NCAM1: variants seen among roughly 807,000 people sequenced by gnomAD.
NCAM1 encodes the protein antigen recognized by monoclonal antibody 5.1H11.
Under a neutral mutation model 109.8 loss-of-function variants are expected in NCAM1, and 14 were observed. The observed-to-expected ratio is 0.13, with a 90% confidence interval of 0.08 to 0.20. The LOEUF (loss-of-function observed/expected upper bound fraction) is 0.20, where lower values mean the gene tolerates loss of function less well. Ranked by LOEUF, NCAM1 falls within the 10% of genes least tolerant of loss-of-function variation. NCAM1 has a pLI of 1.00. For missense variants in NCAM1, 774 were observed against 1,109.9 expected (o/e 0.70, Z 4.30); for synonymous variants, 418 against 442.9 (o/e 0.94, Z 0.70).
intron 1 of NCAM1, among the ~76,000 whole-genome samples, chr11:113,176,474 T>C (rs896024656): frequency 6.6e-6 from 1 of 152,174 alleles, no homozygotes; most frequent in Non-Finnish European, 1.5e-5. Flanking sequence ...GTTGATTGAA[T>C]TGTATTCTAT....
At chr11:113,209,355 T>C (rs1944327363) in intron 7 of NCAM1, among the ~76,000 whole-genome samples, 1 of 152,232 alleles carries the variant, frequency 6.6e-6, no homozygotes, top group East Asian at 1.9e-4. Context: ...ATCAGTTAGG[T>C]TCAAGTTAAC....
chr11:113,074,489 C>T (rs2135595652), intron 1 of NCAM1, among the ~76,000 whole-genome samples: 1 of 152,312 alleles, frequency 6.6e-6, no homozygotes, highest in Middle Eastern at 3.4e-3. Context: ...CAGTCTAAGA[C>T]AGCCCTGTCC....
At chr11:113,254,679 C>A (rs1260621135) in intron 15 of NCAM1, among the ~76,000 whole-genome samples, 1 of 152,076 alleles carries the variant, frequency 6.6e-6, no homozygotes, top group African/African-American at 2.4e-5. Flanking sequence ...AGATCCAATC[C>A]CTGGTGACAA....
intron 1 of NCAM1, among the ~76,000 whole-genome samples, chr11:113,073,522 A>G (rs1200732647): frequency 2.6e-5 from 4 of 152,252 alleles, no homozygotes; most frequent in African/African-American, 7.2e-5. Flanking sequence ...GGTGTTCCCA[A>G]GAGTATTTTT....
intron 1 of NCAM1, among the ~76,000 whole-genome samples, chr11:112,965,806 C>T (rs1255692974): frequency 6.6e-6 from 1 of 152,184 alleles, no homozygotes; most frequent in Non-Finnish European, 1.5e-5. Flanking sequence ...ACAGACAGTC[C>T]TTTCTGACTT....
rs78970020 is a variant in NCAM1, at chr11:113,067,397, G to A, written c.52+105733G>A. 7.5e-4 allele frequency among the ~76,000 whole-genome samples: 114 copies of A among 152,244 alleles called. 1 individual carries two copies. In the East Asian group the frequency reaches 0.019, roughly 26 times the overall value. ...ACTGGAAAACCACATAAGCAGACACGGATATGACCTCACAATTAGAAAACC... is the reference window on the plus strand; with the variant it reads ...ACTGGAAAACCACATAAGCAGACACAGATATGACCTCACAATTAGAAAACC... On this transcript the variant is annotated intron_variant, in intron 1 of 19. Transcript: ENST00000316851.
In NCAM1 at chr11:113,270,340, A is replaced by AAAGCCGGGCCCG. The variant is rs1555125041; in HGVS notation, c.2285_2296dup (p.Pro765_Gly766insGluAlaGlyPro). ...GTGCATTGCGGTCAACCTGTGTGGA[A>AAAGCCGGGCCCG]AAGCCGGGCCCGGGGCCAAGGGCAA... On this transcript the variant is annotated inframe_insertion, in exon 18 of 20. Coordinates refer to ENST00000316851, the MANE Select transcript of NCAM1 (RefSeq NM_181351.5). The AAAGCCGGGCCCG allele has an allele frequency of 6.2e-7, 1 of 1,614,020 alleles. No individual in the cohort carries two copies. The highest frequency in any genetic ancestry group is 2.2e-5 in the East Asian group (1 of 44,866).
At chr11:113,172,514 A>G (rs746774553) in intron 1 of NCAM1, among the ~76,000 whole-genome samples, 2 of 152,118 alleles carry the variant, frequency 1.3e-5, no homozygotes, top group Non-Finnish European at 1.5e-5. Flanking sequence ...TGATCTTGGT[A>G]TGTTCTTTTG....
intron 1 of NCAM1, among the ~76,000 whole-genome samples, chr11:112,983,670 C>T (rs1211411882): frequency 1.3e-4 from 19 of 151,930 alleles, no homozygotes; most frequent in African/African-American, 4.3e-4. Flanking sequence ...TGGAGAAATA[C>T]AAGCTCAGTG....
chr11:112,964,157 T>TTG (rs1434713485), intron 1 of NCAM1, among the ~76,000 whole-genome samples: 1 of 117,356 alleles, frequency 8.5e-6, no homozygotes, highest in Non-Finnish European at 1.8e-5. Context: ...TTTTTTTTGT[T>TTG]TTTTTTTTGG....
chr11:113,019,160 C>T (rs929000417), intron 1 of NCAM1, among the ~76,000 whole-genome samples: 22 of 152,194 alleles, frequency 1.4e-4, no homozygotes, highest in African/African-American at 5.3e-4. Flanking sequence ...CTGCGCCATT[C>T]GATAGGCTGT....
intron 1 of NCAM1, among the ~76,000 whole-genome samples, chr11:113,073,159 A>T (rs1938365580): frequency 6.6e-6 from 1 of 152,198 alleles, no homozygotes; most frequent in South Asian, 2.1e-4. Context: ...TTCAGGGGTC[A>T]TCTATATGAA....
At chr11:113,161,316 A>C (rs1942593375) in intron 1 of NCAM1, among the ~76,000 whole-genome samples, 1 of 152,170 alleles carries the variant, frequency 6.6e-6, no homozygotes, top group Non-Finnish European at 1.5e-5. Flanking sequence ...TCTGCTCCTT[A>C]CATCTACATA....
chr11:113,245,416 T>C (rs1555119988), intron 14 of NCAM1, among the ~76,000 whole-genome samples: 1 of 152,230 alleles, frequency 6.6e-6, no homozygotes, highest in East Asian at 1.9e-4. Flanking sequence ...CACTGCAGCC[T>C]GGGTGATGAA....
At chr11:113,264,087 T>G in intron 17 of NCAM1, 1 of 985,366 alleles carries the variant, frequency 1.0e-6, no homozygotes, top group East Asian at 1.1e-4. Context: ...GAATCCTGCT[T>G]GGTAATATCA....
chr11:113,246,252 A>AT, intron 14 of NCAM1, 116 bp from the exon 15 acceptor site: 1 of 630,302 alleles, frequency 1.6e-6, no homozygotes, highest in Non-Finnish European at 2.9e-6. Context: ...ATTTTTTTGT[A>AT]TTTTCCATGT....
chr11:113,236,248 G>A (rs1555118242), intron 14 of NCAM1: 2 of 1,592,748 alleles, frequency 1.3e-6, no homozygotes, highest in Non-Finnish European at 8.6e-7. Flanking sequence ...TTTTTTCTTG[G>A]GTCTGTCTCT....
At chr11:113,083,260 T>C (rs917810297) in intron 1 of NCAM1, among the ~76,000 whole-genome samples, 1 of 152,190 alleles carries the variant, frequency 6.6e-6, no homozygotes, top group Non-Finnish European at 1.5e-5. Context: ...TATCATCTCC[T>C]ACTTTTGTTA....
At chr11:113,096,484 G>A (rs965027513) in intron 1 of NCAM1, among the ~76,000 whole-genome samples, 4 of 151,986 alleles carry the variant, frequency 2.6e-5, no homozygotes, top group African/African-American at 7.3e-5. Flanking sequence ...AGGTTAATGC[G>A]GACAGTGGGT....
Sources: gnomAD v4.1 joint callset for allele counts (sites outside exome capture counted in the v4.1 genomes callset) on GRCh38, gnomAD v4.1.1 for gene constraint, MANE v1.5 for transcripts, NCBI Gene and HGNC (gene_info 2026-07-23, HGNC 2026-07-21) for gene names.